Variants in ARHGAP24 observed in about 807,000 individuals in gnomAD.
ARHGAP24 encodes rho GTPase-activating protein 24.
Under a neutral mutation model 76.4 loss-of-function variants are expected in ARHGAP24, and 50 were observed. That is an observed-to-expected ratio of 0.65 (90% CI 0.52 to 0.83). The LOEUF (loss-of-function observed/expected upper bound fraction) is 0.83. Among genes scored for constraint, ARHGAP24 ranks in the 40% least tolerant of loss-of-function variants. The pLI is 0.00. For synonymous variants in ARHGAP24, 345 were observed against 323.3 expected (o/e 1.07, Z -0.72); for missense variants, 930 against 914.2 (o/e 1.02, Z -0.22).
intron 3 of ARHGAP24, among the ~76,000 whole-genome samples, chr4:85,836,559 A>G (rs373972837): frequency 6.6e-6 from 1 of 152,194 alleles, no homozygotes; most frequent in African/African-American, 2.4e-5. Flanking sequence ...TGAGGACACC[A>G]GTCATATTGG....
At chr4:85,590,100 A>G (rs2109979462) in intron 2 of ARHGAP24, among the ~76,000 whole-genome samples, 1 of 152,334 alleles carries the variant, frequency 6.6e-6, no homozygotes, top group South Asian at 2.1e-4. Flanking sequence ...AATGTTTAGC[A>G]AATGATTGTT....
chr4:85,790,154 A>G (rs1342758097), intron 3 of ARHGAP24, among the ~76,000 whole-genome samples: 1 of 152,154 alleles, frequency 6.6e-6, no homozygotes, highest in East Asian at 1.9e-4. Context: ...TGATTATGGC[A>G]CAGGTGGTCC....
At chr4:85,598,694 G>A (rs898120950) in intron 2 of ARHGAP24, among the ~76,000 whole-genome samples, 8 of 150,670 alleles carry the variant, frequency 5.3e-5, no homozygotes, top group South Asian at 2.1e-4. Flanking sequence ...AGACTTATTA[G>A]GAACTTGGAT....
chr4:85,557,036 AC>A (rs1383332083), intron 1 of ARHGAP24, among the ~76,000 whole-genome samples: 1 of 152,080 alleles, frequency 6.6e-6, no homozygotes, highest in Non-Finnish European at 1.5e-5. Context: ...GTCACTGCAC[AC>A]CCTCTGGAGC....
chr4:85,775,128 A>G (rs995053512), intron 3 of ARHGAP24, among the ~76,000 whole-genome samples: 1 of 152,200 alleles, frequency 6.6e-6, no homozygotes, highest in African/African-American at 2.4e-5. Context: ...GGGCTATGAA[A>G]GAAAATTAAA....
At chr4:85,619,398 C>T (rs571319517) in intron 2 of ARHGAP24, among the ~76,000 whole-genome samples, 52 of 151,756 alleles carry the variant, frequency 3.4e-4, no homozygotes, top group Non-Finnish European at 6.3e-4. Flanking sequence ...TTAGGTAGTA[C>T]GCTACATCTA....
chr4:85,594,394 A>G (rs1385456329), intron 2 of ARHGAP24, among the ~76,000 whole-genome samples: 2 of 152,054 alleles, frequency 1.3e-5, no homozygotes, highest in African/African-American at 4.8e-5. Context: ...TCATCTATAA[A>G]CAAGGATAAT....
chr4:85,636,133 C>T (rs1308624025), intron 2 of ARHGAP24, among the ~76,000 whole-genome samples: 13 of 151,514 alleles, frequency 8.6e-5, no homozygotes, highest in Non-Finnish European at 1.3e-4. Context: ...TCATGTGATA[C>T]GACTGACCTT....
At position 85,720,021 on chromosome 4, in the gene ARHGAP24, A is replaced by G. The variant is rs117352596; in HGVS notation, c.181-1864A>G. On this transcript the variant is annotated intron_variant, in intron 2 of 9. Coordinates refer to ENST00000395184, the MANE Select transcript of ARHGAP24 (RefSeq NM_001025616.3). ...AAAGTGTAAGAGCAGAAACAAAAAAACCAAACATCGCATGTTCTCACTCAT... is the reference window on the plus strand; with the variant it reads ...AAAGTGTAAGAGCAGAAACAAAAAAGCCAAACATCGCATGTTCTCACTCAT... Among the ~76,000 whole-genome samples, 549 of 151,544 alleles carry G rather than the reference A, an allele frequency of 3.6e-3. 15 individuals are homozygous for G. In the East Asian group the frequency reaches 0.074, roughly 20 times the overall value.
intron 1 of ARHGAP24, among the ~76,000 whole-genome samples, chr4:85,504,067 C>T (rs1723933772): frequency 1.3e-5 from 2 of 152,212 alleles, no homozygotes; most frequent in Non-Finnish European, 2.9e-5. Context: ...TTTGATTGCA[C>T]TGTAGTCTGA....
At chr4:85,538,776 C>T (rs528883858) in intron 1 of ARHGAP24, among the ~76,000 whole-genome samples, 41 of 152,138 alleles carry the variant, frequency 2.7e-4, no homozygotes, top group African/African-American at 9.6e-4. Context: ...ATGTGTATAC[C>T]TATTCAGTTA....
chr4:85,647,292 GA>G (rs1721761172), intron 2 of ARHGAP24, among the ~76,000 whole-genome samples: 1 of 152,094 alleles, frequency 6.6e-6, no homozygotes, highest in Non-Finnish European at 1.5e-5. Flanking sequence ...TAATTATTGA[GA>G]TGCATTTTGT....
intron 3 of ARHGAP24, among the ~76,000 whole-genome samples, chr4:85,754,538 G>A (rs1726399129): frequency 6.6e-6 from 1 of 152,148 alleles, no homozygotes. Flanking sequence ...GACACAGATT[G>A]AAATAGTCCT....
intron 3 of ARHGAP24, among the ~76,000 whole-genome samples, chr4:85,852,630 G>T (rs1028079301): frequency 6.6e-6 from 1 of 152,150 alleles, no homozygotes; most frequent in African/African-American, 2.4e-5. Flanking sequence ...TACAGATGGG[G>T]TTATTGGTGT....
intron 3 of ARHGAP24, among the ~76,000 whole-genome samples, chr4:85,913,178 G>T (rs1415486424): frequency 6.6e-6 from 1 of 151,938 alleles, no homozygotes; most frequent in African/African-American, 2.4e-5. Flanking sequence ...ACATTAAAAT[G>T]CCTGAAAGAT....
chr4:85,658,520 C>T (rs939242492), intron 2 of ARHGAP24, among the ~76,000 whole-genome samples: 5 of 152,160 alleles, frequency 3.3e-5, no homozygotes, highest in Non-Finnish European at 7.4e-5. Context: ...TGAAATTCTG[C>T]TCTGACTGTA....
chr4:85,934,753 A>G (rs987873872), intron 4 of ARHGAP24, among the ~76,000 whole-genome samples: 1 of 152,098 alleles, frequency 6.6e-6, no homozygotes, highest in African/African-American at 2.4e-5. Context: ...GACCTCAAGT[A>G]ATCCTCCCAC....
intron 3 of ARHGAP24, among the ~76,000 whole-genome samples, chr4:85,896,082 T>C (rs1252552530): frequency 6.6e-6 from 1 of 152,162 alleles, no homozygotes. Context: ...GAACTACCAG[T>C]CCTAAGTAAA....
intron 3 of ARHGAP24, among the ~76,000 whole-genome samples, chr4:85,878,983 T>C (rs1458463279): frequency 6.6e-6 from 1 of 152,188 alleles, no homozygotes; most frequent in African/African-American, 2.4e-5. Context: ...CACTGAGCAA[T>C]TCAACCAAGT....
Sources: allele counts gnomAD v4.1 joint callset (sites outside exome capture counted in the v4.1 genomes callset), GRCh38; gene constraint gnomAD v4.1.1; transcripts MANE v1.5; gene names NCBI Gene and HGNC (gene_info 2026-07-23, HGNC 2026-07-21).